Variants in RPS6KA1 observed in about 807,000 individuals in gnomAD.
RPS6KA1 encodes the protein ribosomal protein S6 kinase alpha-1.
A neutral mutation model predicts 91.3 loss-of-function variants in RPS6KA1; 48 were observed. That is an observed-to-expected ratio of 0.53 (90% CI 0.42 to 0.67). The LOEUF (loss-of-function observed/expected upper bound fraction) is 0.67. Ranked by LOEUF, RPS6KA1 falls within the 30% of genes least tolerant of loss-of-function variation. RPS6KA1 has a pLI of 0.00. For missense variants in RPS6KA1, 719 were observed against 960.5 expected, an observed-to-expected ratio of 0.75 and a Z score of 3.32; for synonymous variants, 359 against 384.7, an observed-to-expected ratio of 0.93 and a Z score of 0.78.
Position 26,547,049 on chromosome 1 carries a change from C to A in RPS6KA1, c.225+66C>A. The A allele has an allele frequency of 6.5e-7, 1 of 1,533,026 alleles. No homozygotes were observed. Among genetic ancestry groups the A allele is most frequent in the Non-Finnish European group, 9.0e-7 (1 of 1,106,846 alleles). 95.0% of individuals were successfully genotyped at this position (1,533,026 alleles called of 1,614,324 possible). A position where few individuals can be genotyped will look rare whatever the true frequency, so the allele number is the denominator to read the frequency against. On this transcript the variant is annotated intron_variant, in intron 3 of 21. Transcript: ENST00000374168. This position sits in a 1 kb window ranked among gnomAD's most constrained non-coding sequence, Gnocchi z 4.1. ...TGTTAGAGGTGGGGGTCAAGGGTCACCTAGGGGCCCAAAGGATCAGAGGTC... is the reference window on the plus strand; with the variant it reads ...TGTTAGAGGTGGGGGTCAAGGGTCAACTAGGGGCCCAAAGGATCAGAGGTC...
intron 1 of RPS6KA1, among the ~76,000 whole-genome samples, chr1:26,536,152 T>TAAAG (rs71581074): frequency 4.0e-5 from 3 of 74,418 alleles, no homozygotes; most frequent in Non-Finnish European, 7.8e-5. Context: ...AAACTCTGTC[T>TAAAG]AAAAAAAAAA....
intron 6 of RPS6KA1, 41 bp from the exon 7 acceptor site, chr1:26,553,350 A>C: frequency 1.4e-6 from 2 of 1,408,358 alleles, no homozygotes; most frequent in Non-Finnish European, 2.0e-6. Flanking sequence ...GCTCTTAAGG[A>C]AGAGGAGGTC....
rs374505864 is a variant in RPS6KA1, at chr1:26,558,825, C to T, written c.1103C>T (p.Pro368Leu). 1 of 1,611,638 alleles carries T rather than the reference C, an allele frequency of 6.2e-7. No homozygotes were observed. The highest frequency in any genetic ancestry group is 8.5e-7 in the Non-Finnish European group (1 of 1,177,978). ...CGTACAGATTCCCCAGGCATCCCCCCCAGCGCTGGGGCCCATCAGCTGTTC... is the reference window on the plus strand; with the variant it reads ...CGTACAGATTCCCCAGGCATCCCCCTCAGCGCTGGGGCCCATCAGCTGTTC... ...RTPKDSPGIP[P>L]SAGAHQLFRG... The change falls in exon 14 of 22, where the codon CCC becomes CTC. Residue 368 changes from proline to leucine, a missense_variant. Physicochemically the swap from Pro to Leu is moderately conservative, Grantham distance 98 (BLOSUM62 -3). Around this residue, in one of 5 missense-constraint regions of RPS6KA1, gnomAD observed 228 missense variants for 247.6 expected, o/e 0.92. Transcript: ENST00000374168. The surrounding 1 kb of genome is among the most constrained non-coding windows in gnomAD (Gnocchi z 4.0).
rs576929239 is a variant in RPS6KA1, at chr1:26,572,082, C to T, written c.1830-94C>T. ...CTCCAGGAGCTCTACCTTGGGAGTA[C>T]CCCATCTGAGGGGGAGACACAGTCT... On this transcript the variant is annotated intron_variant, in intron 19 of 21. Transcript: ENST00000374168. 3.4e-5 allele frequency: 44 copies of T among 1,313,042 alleles called. No individual in the cohort carries two copies. In the East Asian group the frequency reaches 1.0e-3, roughly 30 times the overall value. The allele number at this position is 1,313,042 out of a possible 1,614,324, so 81.3% of individuals were successfully genotyped here.
chr1:26,559,655 C>T (rs915535749), intron 14 of RPS6KA1, among the ~76,000 whole-genome samples: 1 of 151,674 alleles, frequency 6.6e-6, no homozygotes, highest in South Asian at 2.1e-4. Context: ...GCTGAGATTA[C>T]AGACATGAGC....
At chr1:26,573,151 G>A (rs2076264317) in intron 20 of RPS6KA1, 73 bp from the exon 21 acceptor site, 5 of 1,487,610 alleles carry the variant, frequency 3.4e-6, no homozygotes, top group Non-Finnish European at 4.6e-6. Context: ...GGAGATGGTT[G>A]CCCTCCTGTG....
chr1:26,557,767 C>T (rs1459092694), intron 13 of RPS6KA1, among the ~76,000 whole-genome samples: 7 of 127,298 alleles, frequency 5.5e-5, no homozygotes, highest in African/African-American at 9.4e-5. Flanking sequence ...TCCTCTCCTC[C>T]CCTCCCCTCT....
chr1:26,574,007 C>G lies in RPS6KA1; in HGVS notation c.2086-72C>G. On this transcript the variant is annotated intron_variant, in intron 21 of 21. Coordinates refer to ENST00000374168, the MANE Select transcript of RPS6KA1 (RefSeq NM_002953.4). This position sits in a 1 kb window ranked among gnomAD's most constrained non-coding sequence, Gnocchi z 4.3. ...TGGAACACTGAGAGGGGCTGGCCTACCCTTGGGGCATGGATCCCCTCCCCG... is the reference window on the plus strand; with the variant it reads ...TGGAACACTGAGAGGGGCTGGCCTAGCCTTGGGGCATGGATCCCCTCCCCG... The G allele has an allele frequency of 6.4e-7, 1 of 1,558,768 alleles. No homozygotes were observed. The highest frequency in any genetic ancestry group is 1.8e-5 in the Admixed American group (1 of 56,876).
At chr1:26,530,452 C>T (rs1011403880) in intron 1 of RPS6KA1, among the ~76,000 whole-genome samples, 2 of 152,218 alleles carry the variant, frequency 1.3e-5, no homozygotes, top group Non-Finnish European at 2.9e-5. Flanking sequence ...CTCCTCTTGA[C>T]CCCTGGCGGA....
intron 4 of RPS6KA1, among the ~76,000 whole-genome samples, chr1:26,549,078 A>G (rs1030403886): frequency 1.0e-4 from 15 of 150,694 alleles, no homozygotes; most frequent in Admixed American, 1.3e-4. Context: ...GTGAGCATCA[A>G]TTCTGGAATG....
chr1:26,533,454 C>T (rs1355870037), intron 1 of RPS6KA1, among the ~76,000 whole-genome samples: 1 of 152,080 alleles, frequency 6.6e-6, no homozygotes, highest in Non-Finnish European at 1.5e-5. Flanking sequence ...GACTGTAATC[C>T]TAGCACTTTG....
intron 14 of RPS6KA1, among the ~76,000 whole-genome samples, chr1:26,560,181 A>G (rs2076141822): frequency 6.6e-6 from 1 of 152,280 alleles, no homozygotes; most frequent in Non-Finnish European, 1.5e-5. Flanking sequence ...CCGCATGCGC[A>G]AGCCAGGGCT....
chr1:26,572,865 G>A (rs1284318789), intron 20 of RPS6KA1, among the ~76,000 whole-genome samples: 2 of 152,184 alleles, frequency 1.3e-5, no homozygotes, highest in African/African-American at 4.8e-5. Context: ...GGAAACTGAG[G>A]CTCAGAGAGT....
intron 6 of RPS6KA1, among the ~76,000 whole-genome samples, chr1:26,552,198 C>T (rs1461202660): frequency 6.6e-6 from 1 of 151,900 alleles, no homozygotes; most frequent in Non-Finnish European, 1.5e-5. Context: ...GACCATCCTG[C>T]CCAACATGGT....
In RPS6KA1 at chr1:26,561,145, G is replaced by A. The variant is rs575864205; in HGVS notation, c.1431+11G>A. On this transcript the variant is annotated intron_variant, in intron 16 of 21. Coordinates refer to ENST00000374168, the MANE Select transcript of RPS6KA1 (RefSeq NM_002953.4). The surrounding 1 kb of genome is among the most constrained non-coding windows in gnomAD (Gnocchi z 5.7). Reference sequence around the variant, plus strand: ...ATCACTCTGAAAGATGTGAGTGGGGGTCCTTAAGACTGGGGTGGGGACCAG... The same window carrying A: ...ATCACTCTGAAAGATGTGAGTGGGGATCCTTAAGACTGGGGTGGGGACCAG... 108 of 1,610,566 alleles carry A rather than the reference G, an allele frequency of 6.7e-5. 1 individual carries two copies. The South Asian group carries it at 7.9e-4, about 12-fold the overall frequency.
At position 26,549,336 on chromosome 1, in the gene RPS6KA1, C is replaced by G. The variant is rs560884445; in HGVS notation, c.308-2061C>G. 5.3e-5 allele frequency among the ~76,000 whole-genome samples: 8 copies of G among 151,912 alleles called. No individual in the cohort carries two copies. In the South Asian group the frequency reaches 1.5e-3, roughly 28 times the overall value. ...CTGTAATCCCAGCACTTTGGGAGGC[C>G]AAGGTGGGTGGATCATTTGAGGTCA... On this transcript the variant is annotated intron_variant, in intron 4 of 21. Transcript: ENST00000374168.
intron 2 of RPS6KA1, chr1:26,546,166 T>C: frequency 2.0e-6 from 2 of 1,001,626 alleles, no homozygotes; most frequent in Non-Finnish European, 1.4e-6. Flanking sequence ...GACTGGACCC[T>C]GCCCAGACTT....
chr1:26,543,089 G>A (rs955997653), intron 2 of RPS6KA1: 10 of 1,490,524 alleles, frequency 6.7e-6, no homozygotes, highest in East Asian at 2.5e-5. Context: ...CCTGCCTTCT[G>A]GGCCAGGAAG....
chr1:26,531,033 C>T lies in RPS6KA1; in HGVS notation c.63+1050C>T, dbSNP rs540692983. The T allele has an allele frequency of 7.2e-5, 39 of 543,700 alleles. No individual in the cohort carries two copies. In the East Asian group the frequency reaches 2.8e-3, roughly 40 times the overall value. 33.7% of individuals were successfully genotyped at this position (543,700 alleles called of 1,614,324 possible). ...GCCCCTGTCTCAGTCCCCTCCTCTGCCCTCTCTTACCTAGGGCAGCCACCA... is the reference window on the plus strand; with the variant it reads ...GCCCCTGTCTCAGTCCCCTCCTCTGTCCTCTCTTACCTAGGGCAGCCACCA... On this transcript the variant is annotated intron_variant, in intron 1 of 21. Transcript: ENST00000374168.
Sources: allele counts gnomAD v4.1 joint callset (sites outside exome capture counted in the v4.1 genomes callset), GRCh38; gene constraint gnomAD v4.1.1; regional missense constraint gnomAD v4.1.1; non-coding constraint Gnocchi (gnomAD v3.1); transcripts MANE v1.5; gene names NCBI Gene and HGNC (gene_info 2026-07-23, HGNC 2026-07-21).